Variants in AGBL4 observed in about 807,000 individuals in gnomAD.
The protein encoded by AGBL4 is cytosolic carboxypeptidase 6.
A neutral mutation model predicts 66.4 loss-of-function variants in AGBL4; 58 were observed. That is an observed-to-expected ratio of 0.87 (90% confidence interval 0.71 to 1.09). AGBL4 has a LOEUF of 1.09. AGBL4 is among the 50% of genes least tolerant of loss of function. The probability of loss-of-function intolerance (pLI) is 0.00; values close to 1 mark genes in which losing one functional copy is unlikely to be tolerated. For synonymous variants in AGBL4, 234 were observed against 222.9 expected (o/e 1.05, Z -0.44); for missense variants, 579 against 631.0 (o/e 0.92, Z 0.88).
intron 3 of AGBL4, among the ~76,000 whole-genome samples, chr1:49,312,694 T>C (rs1644963027): frequency 6.6e-6 from 1 of 151,816 alleles, no homozygotes; most frequent in South Asian, 2.1e-4. Flanking sequence ...CCAAAGAAGA[T>C]ATAGATGACA....
intron 11 of AGBL4, among the ~76,000 whole-genome samples, chr1:48,573,922 A>T (rs1466671668): frequency 2.0e-5 from 3 of 152,206 alleles, no homozygotes; most frequent in African/African-American, 7.2e-5. Flanking sequence ...TAAATATAAT[A>T]ATCATTGTTA....
At chr1:49,478,784 CA>C (rs1384001055) in intron 3 of AGBL4, among the ~76,000 whole-genome samples, 1 of 151,858 alleles carries the variant, frequency 6.6e-6, no homozygotes, top group Non-Finnish European at 1.5e-5. Flanking sequence ...AGCAACTTTT[CA>C]AGACATAGAC....
At chr1:48,620,330 G>T (rs568095033) in intron 9 of AGBL4, among the ~76,000 whole-genome samples, 1 of 152,206 alleles carries the variant, frequency 6.6e-6, no homozygotes, top group African/African-American at 2.4e-5. Context: ...AAGTTCAGTG[G>T]CATGATCATA....
intron 3 of AGBL4, among the ~76,000 whole-genome samples, chr1:49,359,234 T>G (rs1644087224): frequency 6.6e-6 from 1 of 152,118 alleles, no homozygotes; most frequent in South Asian, 2.1e-4. Flanking sequence ...TGAATAGGAT[T>G]TAGTAGAAAG....
At chr1:48,623,203 G>T (rs1215908005) in intron 9 of AGBL4, among the ~76,000 whole-genome samples, 1 of 152,210 alleles carries the variant, frequency 6.6e-6, no homozygotes, top group Admixed American at 6.5e-5. Flanking sequence ...GTAAATGAAT[G>T]ACTTTTTTCT....
chr1:48,686,132 T>C (rs1482585776), intron 6 of AGBL4, among the ~76,000 whole-genome samples: 1 of 152,174 alleles, frequency 6.6e-6, no homozygotes, highest in East Asian at 1.9e-4. Context: ...GGGAAGTCAC[T>C]CAGCTTGTTA....
intron 3 of AGBL4, among the ~76,000 whole-genome samples, chr1:49,370,613 C>T (rs1644322071): frequency 6.6e-6 from 1 of 152,122 alleles, no homozygotes; most frequent in Non-Finnish European, 1.5e-5. Flanking sequence ...TGCACCACAG[C>T]CTAGCCAACT....
chr1:49,881,524 T>G (rs1250484016), intron 1 of AGBL4, among the ~76,000 whole-genome samples: 1 of 149,856 alleles, frequency 6.7e-6, no homozygotes, highest in Non-Finnish European at 1.5e-5. Context: ...GTGTTCCTAT[T>G]TCTCCACATC....
In AGBL4 at chr1:49,735,925, C is replaced by T. The variant is rs138489886; in HGVS notation, c.158-38488G>A. 4.6e-5 allele frequency among the ~76,000 whole-genome samples: 7 copies of T among 152,038 alleles called. No individual in the cohort carries two copies. In the East Asian group the frequency reaches 1.4e-3, roughly 29 times the overall value. Reference sequence around the variant, plus strand: ...AACAAAAATCACTGGAAAGTATCAACAGCAAGCCAGGCAAAAGAAAGCCAC... The same window carrying T: ...AACAAAAATCACTGGAAAGTATCAATAGCAAGCCAGGCAAAAGAAAGCCAC... On this transcript the variant is annotated intron_variant, in intron 2 of 13. Transcript: ENST00000371839.
At chr1:49,753,157 T>G (rs936525357) in intron 2 of AGBL4, among the ~76,000 whole-genome samples, 2 of 152,360 alleles carry the variant, frequency 1.3e-5, no homozygotes, top group South Asian at 4.1e-4. Flanking sequence ...AGTTTCTTCA[T>G]AGTGTCAATG....
intron 4 of AGBL4, among the ~76,000 whole-genome samples, chr1:49,238,898 C>T (rs1050864589): frequency 2.6e-5 from 4 of 152,164 alleles, no homozygotes; most frequent in African/African-American, 9.7e-5. Context: ...AGAACTCACA[C>T]AATACCATTT....
chr1:48,613,378 A>T (rs1040578327), intron 9 of AGBL4, among the ~76,000 whole-genome samples: 5 of 152,194 alleles, frequency 3.3e-5, no homozygotes, highest in Admixed American at 6.5e-5. Flanking sequence ...GGGTCCAACG[A>T]GGGCAAATGA....
At chr1:49,006,455 C>A (rs1254962449) in intron 5 of AGBL4, among the ~76,000 whole-genome samples, 1 of 151,916 alleles carries the variant, frequency 6.6e-6, no homozygotes, top group South Asian at 2.1e-4. Flanking sequence ...GGGGGAGGGG[C>A]GCCCGCCATT....
intron 1 of AGBL4, among the ~76,000 whole-genome samples, chr1:49,867,216 C>T (rs1646723364): frequency 6.6e-6 from 1 of 151,896 alleles, no homozygotes; most frequent in African/African-American, 2.4e-5. Flanking sequence ...GACTCTTTTA[C>T]CTGTGGCTCG....
chr1:49,578,855 A>G (rs769065956), intron 3 of AGBL4, among the ~76,000 whole-genome samples: 1 of 152,160 alleles, frequency 6.6e-6, no homozygotes, highest in Non-Finnish European at 1.5e-5. Context: ...CTGAGTGCCA[A>G]CTTGATTGAA....
chr1:48,881,165 T>G (rs1649746349), intron 5 of AGBL4, among the ~76,000 whole-genome samples: 1 of 152,204 alleles, frequency 6.6e-6, no homozygotes, highest in South Asian at 2.1e-4. Context: ...GCCACATTGA[T>G]TTCCAGTAGG....
intron 3 of AGBL4, among the ~76,000 whole-genome samples, chr1:49,259,085 AC>A (rs1335954641): frequency 3.9e-5 from 6 of 152,128 alleles, no homozygotes; most frequent in Non-Finnish European, 8.8e-5. Flanking sequence ...GAAATAAAAT[AC>A]CTTACAGACA....
intron 3 of AGBL4, among the ~76,000 whole-genome samples, chr1:49,461,969 C>G (rs1204080823): frequency 6.6e-6 from 1 of 151,758 alleles, no homozygotes; most frequent in African/African-American, 2.4e-5. Flanking sequence ...ATTTATAATA[C>G]TTTGGGTATA....
intron 3 of AGBL4, among the ~76,000 whole-genome samples, chr1:49,520,772 T>C (rs1204590564): frequency 6.6e-6 from 1 of 151,840 alleles, no homozygotes; most frequent in Admixed American, 6.6e-5. Context: ...CTCTTAGCTT[T>C]CAATGTAGAA....
Sources: gnomAD v4.1 joint callset for allele counts (sites outside exome capture counted in the v4.1 genomes callset) on GRCh38, gnomAD v4.1.1 for gene constraint, MANE v1.5 for transcripts, NCBI Gene and HGNC (gene_info 2026-07-23, HGNC 2026-07-21) for gene names.